The following PLA2G4D variants were observed in gnomAD, a reference collection of about 807,000 sequenced individuals.
PLA2G4D encodes cytosolic phospholipase A2 delta.
PLA2G4D carries 80 observed loss-of-function variants against 94.4 expected under a neutral mutation model. The observed-to-expected ratio is 0.85, with a 90% CI of 0.71 to 1.02. PLA2G4D has a LOEUF of 1.02. Ranked by LOEUF, PLA2G4D falls within the 50% of genes least tolerant of loss-of-function variation. The pLI is 0.00. For missense variants in PLA2G4D, 1,050 were observed against 1,034.7 expected (o/e 1.01, Z -0.20); for synonymous variants, 438 against 440.9 (o/e 0.99, Z 0.08).
chr15:42,083,582 C>T, intron 7 of PLA2G4D, 134 bp downstream of exon 7: 1 of 1,193,394 alleles, frequency 8.4e-7, no homozygotes, highest in Non-Finnish European at 1.2e-6. Flanking sequence ...GCGTGGCCCT[C>T]TGTGCCATGT....
chr15:42,068,763 C>T lies in PLA2G4D; in HGVS notation c.2409G>A (p.Ala803=), dbSNP rs768194154. The T allele has an allele frequency of 3.0e-5, 49 of 1,612,288 alleles. No homozygotes were observed. The Admixed American group carries it at 3.7e-4, about 12-fold the overall frequency. Residue 803 remains alanine, a synonymous_variant, in exon 20 of 20, where the codon GCG becomes GCA. Coordinates refer to ENST00000290472, the MANE Select transcript of PLA2G4D (RefSeq NM_178034.4). ...QGAILQALRT[A]LKHRTLEARP... ...TCGCCTCTAGAGTCCGGTGCTTCAG[C>T]GCGGTCCTCAGGGCCTGCAGGATGG...
chr15:42,070,730 G>A lies in PLA2G4D; in HGVS notation c.2030C>T (p.Ser677Phe), dbSNP rs1308059365. ...DLILSFDYSLSAPFEALQQTE... is the reference protein window; with the variant it reads ...DLILSFDYSLFAPFEALQQTE... ...TGACCAGGGTACCTCGAAGGGCGCA[G>A]ATAGGGAGTAGTCGAAGGAGAGGAT... Residue 677 changes from serine (S) to phenylalanine (F), a missense_variant, in exon 18 of 20, where the codon TCT becomes TTT. Transcript: ENST00000290472. 1.9e-6 allele frequency: 3 copies of A among 1,560,216 alleles called. No homozygotes were observed. In the South Asian group the frequency reaches 3.5e-5, roughly 18 times the overall value.
At position 42,068,573 on chromosome 15, in the gene PLA2G4D, C is replaced by T. The variant is rs1360158121; in HGVS notation, c.*142G>A. Reference sequence around the variant, plus strand: ...GAGAGAAGTCTGTGTGTGCAGTTCCCTCTGGGCAGTGAGACCAGCTACAGA... The same window carrying T: ...GAGAGAAGTCTGTGTGTGCAGTTCCTTCTGGGCAGTGAGACCAGCTACAGA... On this transcript the variant is annotated 3_prime_UTR_variant, in exon 20 of 20. Coordinates refer to ENST00000290472, the MANE Select transcript of PLA2G4D (RefSeq NM_178034.4). 6.9e-6 allele frequency: 5 copies of T among 720,534 alleles called. No homozygotes were observed. The highest frequency in any genetic ancestry group is 1.8e-5 in the African/African-American group (1 of 56,092). The allele number at this position is 720,534 out of a possible 1,614,324, so 44.6% of individuals were successfully genotyped here. A position where few individuals can be genotyped will look rare whatever the true frequency, so the allele number is the denominator to read the frequency against.
In PLA2G4D at chr15:42,068,837, C is replaced by T. The variant is rs150838987; in HGVS notation, c.2335G>A (p.Glu779Lys). 1.7e-5 allele frequency: 28 copies of T among 1,613,838 alleles called. No individual in the cohort carries two copies. The African/African-American group carries it at 3.3e-4, about 19-fold the overall frequency. ...SNMTYKEEDF[E>K]RLLRLSDYNV... is the part of the protein sequence containing the mutation. ...TAGTCACTGAGCCGCAGCAGGCGCT[C>T]GAAGTCTTCCTCCTTGTAGGTCATG... The change falls in exon 20 of 20, where the codon GAG becomes AAG. Residue 779 changes from glutamate to lysine, a missense_variant. Coordinates refer to ENST00000290472, the MANE Select transcript of PLA2G4D (RefSeq NM_178034.4).
Position 42,094,502 on chromosome 15 carries a change from A to G in PLA2G4D, c.-43T>C, listed in dbSNP as rs752866205. 6.2e-7 allele frequency: 1 copy of G among 1,613,202 alleles called. No individual in the cohort carries two copies. Among genetic ancestry groups the G allele is most frequent in the Admixed American group, 1.7e-5 (1 of 59,978 alleles). On this transcript the variant is annotated 5_prime_UTR_variant, in exon 1 of 20. Transcript: ENST00000290472. ...CACTCCAGGCCCAGCCCTTGCCAAG[A>G]TGCTGGCTCTCTGGCTGAGTGGCAG...
intron 13 of PLA2G4D, among the ~76,000 whole-genome samples, chr15:42,075,249 C>T (rs1889897473): frequency 6.6e-6 from 1 of 152,216 alleles, no homozygotes; most frequent in African/African-American, 2.4e-5. Flanking sequence ...TAAAACCGTG[C>T]ATTAAGTCAT....
chr15:42,085,869 G>A (rs1004880310), intron 4 of PLA2G4D, among the ~76,000 whole-genome samples: 5 of 152,118 alleles, frequency 3.3e-5, no homozygotes, highest in Admixed American at 6.5e-5. Flanking sequence ...CCAGACCCCC[G>A]AACTCTGCCG....
chr15:42,079,460 A>T, intron 13 of PLA2G4D, 77 bp downstream of exon 13: 1 of 1,405,876 alleles, frequency 7.1e-7, no homozygotes, highest in Non-Finnish European at 9.6e-7. Context: ...ACGCACGCGC[A>T]TGTCAGCCGC....
At chr15:42,076,353 A>G (rs1300654498) in intron 13 of PLA2G4D, among the ~76,000 whole-genome samples, 1 of 152,206 alleles carries the variant, frequency 6.6e-6, no homozygotes. Flanking sequence ...TAAAAATTTT[A>G]TAAGAATGTA....
At position 42,094,344 on chromosome 15, in the gene PLA2G4D, C is replaced by T. The variant is rs527928207; in HGVS notation, c.45+71G>A. On this transcript the variant is annotated intron_variant, in intron 1 of 19. Coordinates refer to ENST00000290472, the MANE Select transcript of PLA2G4D (RefSeq NM_178034.4). ...GAAATCACCCTGATTCCAGCTATCA[C>T]ACTTCCCAGAATGCACCCTGGCTCC... 329 of 1,567,980 alleles carry T rather than the reference C, an allele frequency of 2.1e-4. 3 individuals are homozygous for T. In the South Asian group the frequency reaches 3.4e-3, roughly 16 times the overall value.
At chr15:42,073,588 A>G (rs1167929252) in intron 13 of PLA2G4D, among the ~76,000 whole-genome samples, 1 of 152,176 alleles carries the variant, frequency 6.6e-6, no homozygotes, top group African/African-American at 2.4e-5. Flanking sequence ...AAGATGGAAG[A>G]GTGTCTAGTT....
At position 42,079,424 on chromosome 15, in the gene PLA2G4D, A is replaced by G. The variant is rs917946541; in HGVS notation, c.1317+113T>C. The G allele has an allele frequency of 2.5e-5, 26 of 1,046,894 alleles. No individual in the cohort carries two copies. In the African/African-American group the frequency reaches 4.1e-4, roughly 17 times the overall value. 64.9% of individuals were successfully genotyped at this position (1,046,894 alleles called of 1,614,324 possible). ...TCCAAAGTGAGGCAGACACTAAAACACTGGCTCTTCCACGCTGCAAGAAAT... is the reference window on the plus strand; with the variant it reads ...TCCAAAGTGAGGCAGACACTAAAACGCTGGCTCTTCCACGCTGCAAGAAAT... On this transcript the variant is annotated intron_variant, in intron 13 of 19. Coordinates refer to ENST00000290472, the MANE Select transcript of PLA2G4D (RefSeq NM_178034.4).
At chr15:42,094,176 C>T (rs1027715429) in intron 1 of PLA2G4D, among the ~76,000 whole-genome samples, 1 of 152,180 alleles carries the variant, frequency 6.6e-6, no homozygotes, top group Non-Finnish European at 1.5e-5. Context: ...CCTAAGGACA[C>T]TGCTGTGGTC....
At chr15:42,077,597 C>G (rs994334636) in intron 13 of PLA2G4D, among the ~76,000 whole-genome samples, 9 of 152,218 alleles carry the variant, frequency 5.9e-5, no homozygotes, top group African/African-American at 2.4e-5. Flanking sequence ...TTTGATTAAC[C>G]TCTTAGTAAA....
Position 42,086,194 on chromosome 15 carries a change from T to TGGGGGGGGGGGGGGGGGC in PLA2G4D, c.387+18_387+19insGCCCCCCCCCCCCCCCCC. 11 of 1,370,432 alleles carry TGGGGGGGGGGGGGGGGGC rather than the reference T, an allele frequency of 8.0e-6. No homozygotes were observed. Among genetic ancestry groups the TGGGGGGGGGGGGGGGGGC allele is most frequent in the African/African-American group, 1.6e-5 (1 of 64,356 alleles). 84.9% of individuals were successfully genotyped at this position (1,370,432 alleles called of 1,614,324 possible). ...GGAAGAAGTGGGGCCCACGGGGACT[T>TGGGGGGGGGGGGGGGGGC]CCCCACCCACCCACCCACCTGGGGA... On this transcript the variant is annotated intron_variant, in intron 4 of 19. Transcript: ENST00000290472.
At chr15:42,091,735 C>G (rs1277919549) in intron 1 of PLA2G4D, among the ~76,000 whole-genome samples, 2 of 152,206 alleles carry the variant, frequency 1.3e-5, no homozygotes, top group East Asian at 1.9e-4. Context: ...CCTTCATGTT[C>G]CATCCTGTAC....
At chr15:42,083,897 C>T (rs1328963269) in intron 6 of PLA2G4D, 118 bp from the exon 7 acceptor site, 2 of 998,670 alleles carry the variant, frequency 2.0e-6, no homozygotes, top group East Asian at 5.0e-5. Flanking sequence ...GTTGTGTGGG[C>T]TCAGGATGGG....
chr15:42,087,436 A>T lies in PLA2G4D; in HGVS notation c.119T>A (p.Leu40Ter). Residue 40 changes from leucine (L) to a stop codon, truncating the protein, a stop_gained and splice_region_variant, in exon 3 of 20, where the codon TTG (leucine) becomes TAG (stop). Coordinates refer to ENST00000290472, the MANE Select transcript of PLA2G4D (RefSeq NM_178034.4). LOFTEE classifies it high-confidence loss of function. ...GATCACGTAAGGGTCGGCCTCACTC[A>T]CTGCCAAGGTTAAGGAAGTCTTCGT... The part of the protein sequence containing the change: ...EARNLRWADL[L>*]SEADPYVILQ... 6.2e-7 allele frequency: 1 copy of T among 1,613,970 alleles called. No homozygotes were observed. The highest frequency in any genetic ancestry group is 8.5e-7 in the Non-Finnish European group (1 of 1,179,958).
In PLA2G4D at chr15:42,071,214, G is replaced by C; in HGVS notation, c.1785C>G (p.Gly595=). The change falls in exon 17 of 20, where the codon GGC becomes GGG. Residue 595 remains glycine, a synonymous_variant. Transcript: ENST00000290472. ...LAQAFKGFLT[G]RPLHQRSPNF... ...TGGGGCTGCGCTGGTGGAGGGGCCT[G>C]CCTGTCAGGAAGCCTTTAAATGCCT... The C allele has an allele frequency of 6.2e-7, 1 of 1,613,430 alleles. No homozygotes were observed. The highest frequency in any genetic ancestry group is 8.5e-7 in the Non-Finnish European group (1 of 1,179,826).
Sources: allele counts gnomAD v4.1 joint callset (sites outside exome capture counted in the v4.1 genomes callset), GRCh38; gene constraint gnomAD v4.1.1; transcripts MANE v1.5; gene names NCBI Gene and HGNC (gene_info 2026-07-23, HGNC 2026-07-21).